The following NWD1 variants were observed in gnomAD, a reference collection of about 807,000 sequenced individuals.
NWD1 encodes NACHT and WD repeat domain containing 1.
A neutral mutation model predicts 135.1 loss-of-function variants in NWD1; 129 were observed. That is an observed-to-expected ratio of 0.96 (90% CI 0.83 to 1.11). The LOEUF is 1.11. NWD1 is among the 50% of genes least tolerant of loss of function. The pLI is 0.00. For missense variants in NWD1, 1,740 were observed against 1,851.3 expected, an observed-to-expected ratio of 0.94 and a Z score of 1.10; for synonymous variants, 773 against 786.0, an observed-to-expected ratio of 0.98 and a Z score of 0.28.
chr19:16,738,854 C>T (rs1215642846), intron 4 of NWD1, among the ~76,000 whole-genome samples: 3 of 140,868 alleles, frequency 2.1e-5, no homozygotes, highest in African/African-American at 7.9e-5. Context: ...ATATATAATA[C>T]ATTATCTATA....
rs149392414 is a variant in NWD1 at position 16,807,626 on chromosome 19, G to A, written c.3777G>A (p.Arg1259=). 44 of 1,548,532 alleles carry A rather than the reference G, an allele frequency of 2.8e-5. No homozygotes were observed. The highest frequency in any genetic ancestry group is 3.7e-5 in the Non-Finnish European group (43 of 1,150,348). The change falls in exon 18 of 19, where the codon AGG becomes AGA. Residue 1259 remains arginine (R), a synonymous_variant. Coordinates refer to ENST00000524140, the MANE Select transcript of NWD1 (RefSeq NM_001007525.5). ...CCCTGGACACCTCCAGTGAGATCAG[G>A]TGTCTGGAGGTTGCTGAGCAGCGCA... ...QDSLDTSSEI[R]CLEVAEQRKL... is the part of the protein sequence containing the mutation.
chr19:16,799,330 C>T (rs1005866433), intron 16 of NWD1, among the ~76,000 whole-genome samples: 3 of 150,882 alleles, frequency 2.0e-5, no homozygotes, highest in Non-Finnish European at 4.4e-5. Context: ...CGAGTAACTG[C>T]GATTACAGGT....
At chr19:16,804,903 C>T (rs141569227) in intron 17 of NWD1, among the ~76,000 whole-genome samples, 11 of 152,054 alleles carry the variant, frequency 7.2e-5, no homozygotes, top group African/African-American at 1.9e-4. Context: ...CGGCTCAGTG[C>T]AGCCTCGAAC....
At position 16,799,515 on chromosome 19, in the gene NWD1, AT is replaced by A. The variant is rs1347702847; in HGVS notation, c.3460-363del. On this transcript the variant is annotated intron_variant, in intron 16 of 18. Transcript: ENST00000524140. ...GGCCTATTTATTTATTTTTATTTTTATTTTTTTTGAGACGGAGTTTCATTCT... is the reference window on the plus strand; with the variant it reads ...GGCCTATTTATTTATTTTTATTTTTATTTTTTTGAGACGGAGTTTCATTCT... 2.0e-5 allele frequency among the ~76,000 whole-genome samples: 3 copies of A among 147,354 alleles called. No individual in the cohort carries two copies. In the South Asian group the frequency reaches 6.4e-4, roughly 32 times the overall value.
chr19:16,794,402 T>A (rs1030405743), intron 14 of NWD1, 61 bp from the exon 15 acceptor site: 18 of 910,822 alleles, frequency 2.0e-5, no homozygotes, highest in Middle Eastern at 2.3e-4. Flanking sequence ...AATTAAAAAA[T>A]TCCAGACTTG....
At chr19:16,810,994 T>C (rs1239830740) in intron 18 of NWD1, among the ~76,000 whole-genome samples, 1 of 152,164 alleles carries the variant, frequency 6.6e-6, no homozygotes, top group Non-Finnish European at 1.5e-5. Context: ...GCCTCCTAAG[T>C]AGCTGGGACT....
chr19:16,766,994 C>T (rs976712519), intron 10 of NWD1, among the ~76,000 whole-genome samples: 3 of 152,094 alleles, frequency 2.0e-5, no homozygotes, highest in African/African-American at 4.8e-5. Flanking sequence ...TAAAGTGAAA[C>T]TCTGTTTTCA....
rs141578762 is a variant in NWD1, at chr19:16,815,402, C to G, written c.*363C>G. On this transcript the variant is annotated 3_prime_UTR_variant, in exon 19 of 19. Coordinates refer to ENST00000524140, the MANE Select transcript of NWD1 (RefSeq NM_001007525.5). ...TTAGCCCCATTTAATCTAGTTAAAG[C>G]AAAAAGAATACGTTTGCTGGTGTAT... 45 of 632,868 alleles carry G rather than the reference C, an allele frequency of 7.1e-5. No homozygotes were observed. In the African/African-American group the frequency reaches 7.4e-4, roughly 10 times the overall value. 39.2% of individuals were successfully genotyped at this position (632,868 alleles called of 1,614,324 possible).
At chr19:16,810,925 G>A (rs1970906197) in intron 18 of NWD1, among the ~76,000 whole-genome samples, 1 of 152,120 alleles carries the variant, frequency 6.6e-6, no homozygotes, top group Admixed American at 6.5e-5. Flanking sequence ...TAGTGCAGTG[G>A]TGCAATCATA....
At chr19:16,748,286 T>A (rs1047988374) in intron 5 of NWD1, among the ~76,000 whole-genome samples, 7 of 151,492 alleles carry the variant, frequency 4.6e-5, no homozygotes, top group Non-Finnish European at 7.4e-5. Flanking sequence ...GTCCAGCCCG[T>A]TGATGGATGT....
rs746678087 is a variant in NWD1, at chr19:16,807,729, C to T, written c.3880C>T (p.Pro1294Ser). ...TTCCAGGCAGGACGTGATATGCATT[C>T]CCCCTCCCGAGGCCCGGAAAGCAAT... Reference protein sequence around the residue: ...LNSRQDVICIPPPEARKAINC... With the variant: ...LNSRQDVICISPPEARKAINC... The change falls in exon 18 of 19, where the codon CCC becomes TCC. Residue 1294 changes from proline (P) to serine (S), a missense_variant. Coordinates refer to ENST00000524140, the MANE Select transcript of NWD1 (RefSeq NM_001007525.5). The T allele has an allele frequency of 8.7e-6, 14 of 1,613,394 alleles. No homozygotes were observed. Among genetic ancestry groups the T allele is most frequent in the Middle Eastern group, 1.7e-4 (1 of 6,058 alleles).
intron 6 of NWD1, among the ~76,000 whole-genome samples, chr19:16,757,706 C>A (rs373782906): frequency 6.6e-6 from 1 of 152,150 alleles, no homozygotes; most frequent in Non-Finnish European, 1.5e-5. Flanking sequence ...CTCAACCTAG[C>A]GGTTCACCCA....
At chr19:16,776,075 C>T (rs147918682) in intron 11 of NWD1, among the ~76,000 whole-genome samples, 6 of 152,224 alleles carry the variant, frequency 3.9e-5, no homozygotes, top group Non-Finnish European at 7.3e-5. Context: ...GGGCACAAAT[C>T]GCACATAGTG....
intron 13 of NWD1, among the ~76,000 whole-genome samples, chr19:16,790,815 TATA>T (rs760210161): frequency 5.9e-5 from 9 of 152,132 alleles, no homozygotes; most frequent in Admixed American, 2.0e-4. Flanking sequence ...TTGAATAAAA[TATA>T]ATACTAAAAT....
intron 16 of NWD1, among the ~76,000 whole-genome samples, chr19:16,798,221 G>A (rs1970484676): frequency 6.6e-6 from 1 of 152,168 alleles, no homozygotes; most frequent in South Asian, 2.1e-4. Context: ...AGTAGATGGT[G>A]AAATAGCAGA....
chr19:16,795,075 C>T (rs147278608), intron 15 of NWD1, among the ~76,000 whole-genome samples: 16 of 152,362 alleles, frequency 1.1e-4, no homozygotes, highest in Middle Eastern at 3.4e-3. Context: ...TGAGCCATTG[C>T]GCCCAGCCCT....
chr19:16,764,012 C>G, intron 9 of NWD1, 67 bp downstream of exon 9: 1 of 970,890 alleles, frequency 1.0e-6, no homozygotes, highest in Non-Finnish European at 1.7e-6. Flanking sequence ...TCTTCTAGAG[C>G]CTGGGGAGGG....
At chr19:16,768,485 G>C (rs1225447361) in intron 10 of NWD1, among the ~76,000 whole-genome samples, 1 of 152,082 alleles carries the variant, frequency 6.6e-6, no homozygotes, top group Non-Finnish European at 1.5e-5. Context: ...AACTTTTTGA[G>C]GAACGACCAC....
intron 10 of NWD1, 21 bp downstream of exon 10, chr19:16,765,213 T>A: frequency 6.2e-7 from 1 of 1,612,518 alleles, no homozygotes. Flanking sequence ...ATGGCCTGGA[T>A]AGGAGTGACC....
Sources: gnomAD v4.1 joint callset for allele counts (sites outside exome capture counted in the v4.1 genomes callset) on GRCh38, gnomAD v4.1.1 for gene constraint, MANE v1.5 for transcripts, NCBI Gene and HGNC (gene_info 2026-07-23, HGNC 2026-07-21) for gene names.